Variants in ATP2B2 observed in about 807,000 individuals in gnomAD.
ATP2B2 encodes plasma membrane calcium-transporting ATPase 2.
ATP2B2 carries 15 observed loss-of-function variants against 120.0 expected under a neutral mutation model. The ratio of observed to expected loss-of-function variants is 0.12; its 90% CI spans 0.08 to 0.19. ATP2B2 has a LOEUF of 0.19. ATP2B2 is among the 10% of genes least tolerant of loss of function. ATP2B2 has a pLI of 1.00. For synonymous variants in ATP2B2, 694 were observed against 700.3 expected, an observed-to-expected ratio of 0.99 and a Z score of 0.14; for missense variants, 1,045 against 1,719.8, an observed-to-expected ratio of 0.61 and a Z score of 6.94.
chr3:10,681,216 C>T (rs927869405), intron 1 of ATP2B2, among the ~76,000 whole-genome samples: 1 of 152,188 alleles, frequency 6.6e-6, no homozygotes, highest in African/African-American at 2.4e-5. Flanking sequence ...CTCAGTTATT[C>T]CTTTATAGCA....
intron 2 of ATP2B2, among the ~76,000 whole-genome samples, chr3:10,554,718 T>C (rs1262707452): frequency 2.0e-5 from 3 of 152,236 alleles, no homozygotes. Flanking sequence ...AGTAAGCTAA[T>C]ACACCACACT....
chr3:10,422,260 C>T (rs1428894236), intron 2 of ATP2B2, among the ~76,000 whole-genome samples: 1 of 152,228 alleles, frequency 6.6e-6, no homozygotes, highest in Non-Finnish European at 1.5e-5. Context: ...AGCCACTTAA[C>T]AGACTTGGGG....
rs749452272 is a variant in ATP2B2 at position 10,487,703 on chromosome 3, G to C, written c.-320+17762C>G. On this transcript the variant is annotated intron_variant, in intron 1 of 22. Transcript: ENST00000360273. ...GGATGAGGGGTTAGACAGCGGGAAA[G>C]GAAACAGAGAGAATTGGCCGTTAAT... Among the ~76,000 whole-genome samples the C allele has an allele frequency of 2.4e-4, 36 of 152,350 alleles. 1 individual carries two copies. The highest frequency in any genetic ancestry group is 3.8e-4 in the Non-Finnish European group (26 of 68,042).
chr3:10,343,039 G>A lies in ATP2B2; in HGVS notation c.2704-74C>T, dbSNP rs566902269. On this transcript the variant is annotated intron_variant, in intron 18 of 22. Coordinates refer to ENST00000360273, the MANE Select transcript of ATP2B2 (RefSeq NM_001001331.4). The surrounding 1 kb of genome is among the most constrained non-coding windows in gnomAD (Gnocchi z 4.2). ...GTGAAGTGCTGGGCGGGCTCATGGT[G>A]TAGTGTCCGCAGGCTCCTGCTGGAG... The A allele has an allele frequency of 1.3e-6, 2 of 1,500,212 alleles. No individual in the cohort carries two copies. The highest frequency in any genetic ancestry group is 1.4e-5 in the African/African-American group (1 of 72,740). 92.9% of individuals were successfully genotyped at this position (1,500,212 alleles called of 1,614,324 possible).
chr3:10,359,004 G>A (rs2060819992), intron 13 of ATP2B2, 79 bp from the exon 14 acceptor site: 15 of 1,340,854 alleles, frequency 1.1e-5, no homozygotes, highest in South Asian at 2.5e-5. Flanking sequence ...CCCCACCCTC[G>A]TGATGCCCAG....
At chr3:10,575,358 C>T (rs1200243334) in intron 2 of ATP2B2, among the ~76,000 whole-genome samples, 1 of 152,064 alleles carries the variant, frequency 6.6e-6, no homozygotes, top group African/African-American at 2.4e-5. Flanking sequence ...GCCAATGGGG[C>T]TCAGACAAAA....
intron 2 of ATP2B2, among the ~76,000 whole-genome samples, chr3:10,610,425 G>A (rs1287531117): frequency 6.6e-6 from 1 of 151,922 alleles, no homozygotes; most frequent in African/African-American, 2.4e-5. Context: ...AGGATGTCAT[G>A]CCTTCGAGGC....
intron 2 of ATP2B2, among the ~76,000 whole-genome samples, chr3:10,425,014 G>A (rs1408780019): frequency 6.6e-6 from 1 of 152,064 alleles, no homozygotes; most frequent in East Asian, 1.9e-4. Flanking sequence ...ATTTTGGCTG[G>A]GCACGGTGGC....
chr3:10,354,772 C>A (rs1215803226), intron 14 of ATP2B2, among the ~76,000 whole-genome samples: 1 of 152,208 alleles, frequency 6.6e-6, no homozygotes, highest in African/African-American at 2.4e-5. Flanking sequence ...TGTTTTCTTG[C>A]AGTTGCAAAA....
At chr3:10,528,479 A>C (rs2125469180) in intron 3 of ATP2B2, among the ~76,000 whole-genome samples, 1 of 152,260 alleles carries the variant, frequency 6.6e-6, no homozygotes, top group East Asian at 1.9e-4. Context: ...CTTTCTCTTC[A>C]TAGAGAAACA....
At chr3:10,565,548 C>A (rs958976687) in intron 2 of ATP2B2, among the ~76,000 whole-genome samples, 2 of 152,178 alleles carry the variant, frequency 1.3e-5, no homozygotes, top group African/African-American at 4.8e-5. Context: ...CCCTCCAGCC[C>A]AGACATTACA....
chr3:10,532,306 CAATAAACACTTGTAACCA>C (rs1320259475), intron 3 of ATP2B2, among the ~76,000 whole-genome samples: 2 of 152,184 alleles, frequency 1.3e-5, no homozygotes, highest in African/African-American at 4.8e-5. Flanking sequence ...AGAGAGTGCT[CAATAAACACTTGTAACCA>C]AATAAACAGG....
intron 2 of ATP2B2, among the ~76,000 whole-genome samples, chr3:10,584,735 C>T (rs1215544285): frequency 6.6e-6 from 1 of 152,160 alleles, no homozygotes; most frequent in Non-Finnish European, 1.5e-5. Flanking sequence ...CCCACTCCAC[C>T]ACTTCCCAGC....
chr3:10,534,093 A>C (rs1469874631), exon 3 of ATP2B2: 2 of 152,404 alleles, frequency 1.3e-5, no homozygotes, highest in East Asian at 3.9e-4. Flanking sequence ...ACTGGGGCCC[A>C]TGTCTTGCTG....
intron 22 of ATP2B2, among the ~76,000 whole-genome samples, chr3:10,335,492 C>T (rs1195486162): frequency 1.3e-5 from 2 of 152,182 alleles, no homozygotes; most frequent in Non-Finnish European, 2.9e-5. Context: ...CTGACTATGA[C>T]CTCTGACCTG....
intron 3 of ATP2B2, among the ~76,000 whole-genome samples, chr3:10,511,056 C>T (rs781079630): frequency 2.6e-5 from 4 of 152,176 alleles, no homozygotes; most frequent in Non-Finnish European, 4.4e-5. Flanking sequence ...CCACTCCAGA[C>T]TGCTCCCATT....
chr3:10,556,944 G>A (rs1440692761), intron 2 of ATP2B2, among the ~76,000 whole-genome samples: 1 of 152,186 alleles, frequency 6.6e-6, no homozygotes, highest in African/African-American at 2.4e-5. Context: ...TAGCTGGTAG[G>A]CAGCTAAGTC....
intron 1 of ATP2B2, among the ~76,000 whole-genome samples, chr3:10,650,251 T>G (rs937500081): frequency 2.0e-4 from 30 of 152,232 alleles, no homozygotes; most frequent in African/African-American, 6.8e-4. Context: ...GTTGAGGAAC[T>G]TGTTGGGAAC....
chr3:10,531,203 T>A (rs1254770943), intron 3 of ATP2B2, among the ~76,000 whole-genome samples: 1 of 152,078 alleles, frequency 6.6e-6, no homozygotes, highest in Non-Finnish European at 1.5e-5. Context: ...TGGCACACAC[T>A]CCCTCCCCTC....
Sources: gnomAD v4.1 joint callset for allele counts (sites outside exome capture counted in the v4.1 genomes callset) on GRCh38, gnomAD v4.1.1 for gene constraint, Gnocchi (gnomAD v3.1) non-coding constraint, MANE v1.5 for transcripts, NCBI Gene and HGNC (gene_info 2026-07-23, HGNC 2026-07-21) for gene names.